Variants in SHCBP1 observed in about 807,000 individuals in gnomAD.
SHCBP1 encodes SHC SH2 domain-binding protein 1.
In SHCBP1, 60 loss-of-function variants were observed where a neutral mutation model predicts 75.1. That is an observed-to-expected ratio of 0.80 (90% CI 0.65 to 0.99). The LOEUF (loss-of-function observed/expected upper bound fraction) is 0.99. Among genes scored for constraint, SHCBP1 ranks in the 50% least tolerant of loss-of-function variants. The pLI is 0.00. For missense variants in SHCBP1, 709 were observed against 809.4 expected, an observed-to-expected ratio of 0.88 and a Z score of 1.50; for synonymous variants, 290 against 293.2, an observed-to-expected ratio of 0.99 and a Z score of 0.11.
intron 5 of SHCBP1, among the ~76,000 whole-genome samples, chr16:46,605,524 G>C (rs1012334967): frequency 2.0e-5 from 3 of 152,262 alleles, no homozygotes; most frequent in East Asian, 3.9e-4. Flanking sequence ...AGGGGTCAAG[G>C]CTGCTGTGAG....
At chr16:46,613,500 C>G (rs1389218693) in intron 4 of SHCBP1, among the ~76,000 whole-genome samples, 3 of 152,230 alleles carry the variant, frequency 2.0e-5, no homozygotes, top group Non-Finnish European at 2.9e-5. Context: ...TCTCTCAGCA[C>G]TGTCTGTGTT....
chr16:46,616,278 T>C lies in SHCBP1; in HGVS notation c.388-124A>G. The stretch of plus-strand genomic sequence containing the variant: ...ATGGGTGGGGAGGCTTTACCCATAA[T>C]ATAAAGGATGAACAAGACAGGCTGC... On this transcript the variant is annotated intron_variant, in intron 3 of 12. Transcript: ENST00000303383. This position sits in a 1 kb window ranked among gnomAD's most constrained non-coding sequence, Gnocchi z 4.4. The C allele has an allele frequency of 3.3e-6, 3 of 909,606 alleles. No homozygotes were observed. The highest frequency in any genetic ancestry group is 5.1e-6 in the Non-Finnish European group (3 of 592,382). The allele number at this position is 909,606 out of a possible 1,614,324, so 56.3% of individuals were successfully genotyped here.
In SHCBP1 at chr16:46,579,038, G is replaced by A. The variant is rs533391379; in HGVS notation, c.*2691C>T. Reference sequence around the variant, plus strand: ...CTGGGCAGTTTTTAAAAATATATTCGTGTTAATATCTATGGTGCAATAATA... The same window carrying A: ...CTGGGCAGTTTTTAAAAATATATTCATGTTAATATCTATGGTGCAATAATA... On this transcript the variant is annotated 3_prime_UTR_variant, in exon 13 of 13. Coordinates refer to ENST00000303383, the MANE Select transcript of SHCBP1 (RefSeq NM_024745.5). Among the ~76,000 whole-genome samples the A allele has an allele frequency of 2.9e-4, 44 of 152,212 alleles. No individual in the cohort carries two copies. In the Middle Eastern group the frequency reaches 0.014, roughly 47 times the overall value.
At chr16:46,599,288 A>C (rs1295046813) in intron 9 of SHCBP1, among the ~76,000 whole-genome samples, 1 of 152,184 alleles carries the variant, frequency 6.6e-6, no homozygotes. Context: ...TAAATTTAAC[A>C]TGAGAGACAT....
intron 8 of SHCBP1, among the ~76,000 whole-genome samples, chr16:46,600,700 C>G (rs765414738): frequency 1.5e-4 from 23 of 152,150 alleles, no homozygotes; most frequent in Non-Finnish European, 2.9e-4. Flanking sequence ...AAACAGTCTA[C>G]CTCATTAACA....
chr16:46,581,987 C>T lies in SHCBP1; in HGVS notation c.1761G>A (p.Glu587=). ...TTTTACCAGTTGCACACTCAATCAG[C>T]TCTTCTAGATCCACTCTTTCAGCCA... ...PDVAERVDLE[E]LIECATGKME... is the part of the protein sequence containing the mutation. The change falls in exon 13 of 13, where the codon GAG becomes GAA. Residue 587 remains glutamate, a synonymous_variant. Coordinates refer to ENST00000303383, the MANE Select transcript of SHCBP1 (RefSeq NM_024745.5). The T allele has an allele frequency of 3.1e-6, 5 of 1,614,206 alleles. No individual in the cohort carries two copies. The highest frequency in any genetic ancestry group is 4.2e-6 in the Non-Finnish European group (5 of 1,180,040).
chr16:46,611,644 G>A (rs1054772041), intron 4 of SHCBP1, among the ~76,000 whole-genome samples: 1 of 152,180 alleles, frequency 6.6e-6, no homozygotes, highest in Non-Finnish European at 1.5e-5. Context: ...TTCATGACCA[G>A]AAATATGCTG....
Position 46,581,842 on chromosome 16 carries a change from G to C in SHCBP1, c.1906C>G (p.Leu636Val). 1.2e-6 allele frequency: 2 copies of C among 1,614,158 alleles called. No individual in the cohort carries two copies. Among genetic ancestry groups the C allele is most frequent in the Middle Eastern group, 1.6e-4 (1 of 6,062 alleles). The change falls in exon 13 of 13, where the codon CTG (leucine) becomes GTG (valine). Residue 636 changes from leucine to valine, a missense_variant. Physicochemically the swap from Leu to Val is conservative, Grantham distance 32 (BLOSUM62 1). Transcript: ENST00000303383. ...TTGTCATCAGCTTGCGTGATCCCCA[G>C]TTCACTCAACCTTTTCTTCTTTATC... ...GQIKKKRLSELGITQADDNLM... is the reference protein window; with the variant it reads ...GQIKKKRLSEVGITQADDNLM...
chr16:46,609,449 T>C (rs1965373646), intron 4 of SHCBP1, among the ~76,000 whole-genome samples: 4 of 124,264 alleles, frequency 3.2e-5, no homozygotes, highest in Admixed American at 7.9e-5. Context: ...TTTCTTTTTT[T>C]TTTTTTTTTT....
chr16:46,602,462 T>C (rs968153644), intron 8 of SHCBP1, among the ~76,000 whole-genome samples: 7 of 152,190 alleles, frequency 4.6e-5, no homozygotes, highest in Admixed American at 4.6e-4. Context: ...AAATGATATA[T>C]GATTTTTTGC....
Position 46,616,146 on chromosome 16 carries a change from A to G in SHCBP1, c.396T>C (p.Asp132=). 1 of 1,613,012 alleles carries G rather than the reference A, an allele frequency of 6.2e-7. No homozygotes were observed. Among genetic ancestry groups the G allele is most frequent in the Non-Finnish European group, 8.5e-7 (1 of 1,179,128 alleles). The change falls in exon 4 of 13, where the codon GAT becomes GAC. Residue 132 remains aspartate, a synonymous_variant. Transcript: ENST00000303383. This position sits in a 1 kb window ranked among gnomAD's most constrained non-coding sequence, Gnocchi z 4.4. ...NVFKVLVEIT[D]VDFAALKAVV... ...CTGCCTTCAAGGCTGCAAAGTCCAC[A>G]TCTGTGATCTGAAATTTAAAATAAT...
intron 4 of SHCBP1, among the ~76,000 whole-genome samples, chr16:46,608,875 A>G (rs1646726493): frequency 6.6e-6 from 1 of 152,132 alleles, no homozygotes; most frequent in East Asian, 1.9e-4. Flanking sequence ...CTGGGATTAC[A>G]GGCATGAGCC....
rs1315069502 is a variant in SHCBP1 at position 46,578,608 on chromosome 16, ATAT to A, written c.*3118_*3120del. On this transcript the variant is annotated 3_prime_UTR_variant, in exon 13 of 13. Coordinates refer to ENST00000303383, the MANE Select transcript of SHCBP1 (RefSeq NM_024745.5). ...TACACCTGTTTTGTTTTTAAAATAT[ATAT>A]TTTTTTCTATTAATAGTGAGAACTA... is the stretch of plus-strand genomic sequence containing the variant. 1.3e-5 allele frequency among the ~76,000 whole-genome samples: 2 copies of A among 152,150 alleles called. No individual in the cohort carries two copies. The highest frequency in any genetic ancestry group is 2.4e-5 in the African/African-American group (1 of 41,450).
At position 46,603,565 on chromosome 16, in the gene SHCBP1, G is replaced by T. The variant is rs766166114; in HGVS notation, c.1187C>A (p.Ser396Tyr). ...PGHYVVHGTF[S>Y]IADSIELEGY... is the part of the protein sequence containing the mutation. ...TTCCAACTCAATGGAGTCAGCAATG[G>T]AGAAAGTGCCATGTACCACATAATG... The change falls in exon 8 of 13, where the codon TCC becomes TAC. Residue 396 changes from serine (S) to tyrosine (Y), a missense_variant. Physicochemically the swap from Ser to Tyr is moderately radical, Grantham distance 144. Transcript: ENST00000303383. 6.2e-7 allele frequency: 1 copy of T among 1,614,144 alleles called. No homozygotes were observed. Among genetic ancestry groups the T allele is most frequent in the Non-Finnish European group, 8.5e-7 (1 of 1,180,018 alleles).
chr16:46,581,266 T>G lies in SHCBP1; in HGVS notation c.*463A>C, dbSNP rs1343631975. ...AAATTCCCAATCATAAAAGCTTTTA[T>G]TTTAAGACAAGTATTATGCAAATAC... On this transcript the variant is annotated 3_prime_UTR_variant, in exon 13 of 13. Transcript: ENST00000303383. 6.5e-6 allele frequency: 1 copy of G among 154,168 alleles called. No individual in the cohort carries two copies. The highest frequency in any genetic ancestry group is 1.4e-5 in the Non-Finnish European group (1 of 69,122). The allele number at this position is 154,168 out of a possible 1,614,324, so 9.6% of individuals were successfully genotyped here.
intron 4 of SHCBP1, among the ~76,000 whole-genome samples, chr16:46,613,116 G>A (rs540351300): frequency 2.6e-5 from 4 of 152,200 alleles, no homozygotes; most frequent in East Asian, 3.9e-4. Flanking sequence ...CCAGGAGTTC[G>A]AGACCAGCTT....
chr16:46,616,815 G>A lies in SHCBP1; in HGVS notation c.388-661C>T, dbSNP rs1456431325. 1.3e-5 allele frequency among the ~76,000 whole-genome samples: 2 copies of A among 152,066 alleles called. No homozygotes were observed. Among genetic ancestry groups the A allele is most frequent in the Non-Finnish European group, 2.9e-5 (2 of 68,014 alleles). On this transcript the variant is annotated intron_variant, in intron 3 of 12. Transcript: ENST00000303383. This position sits in a 1 kb window ranked among gnomAD's most constrained non-coding sequence, Gnocchi z 4.4. The stretch of plus-strand genomic sequence containing the variant: ...TGTTTTCGGAGAACTGATTGGCGGG[G>A]GGGCACTTATCATAACCAAATGAAT...
intron 12 of SHCBP1, among the ~76,000 whole-genome samples, chr16:46,582,843 T>C (rs148366124): frequency 1.3e-5 from 2 of 152,342 alleles, no homozygotes; most frequent in African/African-American, 4.8e-5. Flanking sequence ...GACTACCCTT[T>C]AAACTCTTTC....
chr16:46,590,190 T>C (rs1043377183), intron 10 of SHCBP1, among the ~76,000 whole-genome samples: 2 of 152,210 alleles, frequency 1.3e-5, no homozygotes, highest in Non-Finnish European at 2.9e-5. Flanking sequence ...AAGACTTAAA[T>C]GTTAGACCTA....
Sources: gnomAD v4.1 joint callset for allele counts (sites outside exome capture counted in the v4.1 genomes callset) on GRCh38, gnomAD v4.1.1 for gene constraint, Gnocchi (gnomAD v3.1) non-coding constraint, MANE v1.5 for transcripts, NCBI Gene and HGNC (gene_info 2026-07-23, HGNC 2026-07-21) for gene names.